The following CAMTA1 variants were observed in gnomAD, a reference collection of about 807,000 sequenced individuals.
The protein encoded by CAMTA1 is calmodulin binding transcription activator 1.
A neutral mutation model predicts 170.9 loss-of-function variants in CAMTA1; 27 were observed. The ratio of observed to expected loss-of-function variants is 0.16; its 90% CI spans 0.12 to 0.22. CAMTA1 has a LOEUF of 0.22. CAMTA1 is among the 10% of genes least tolerant of loss of function. The pLI is 1.00. For synonymous variants in CAMTA1, 833 were observed against 891.5 expected (o/e 0.93, Z 1.17); for missense variants, 1,619 against 2,217.2 (o/e 0.73, Z 5.42).
At chr1:7,499,060 CGT>C in intron 6 of CAMTA1, among the ~76,000 whole-genome samples, 1 of 100,948 alleles carries the variant, frequency 9.9e-6, no homozygotes, top group Admixed American at 1.1e-4. Context: ...GCCTGGTGTG[CGT>C]GTGTATGTAT....
intron 5 of CAMTA1, among the ~76,000 whole-genome samples, chr1:7,262,172 CAG>C (rs1668271309): frequency 6.6e-6 from 1 of 152,142 alleles, no homozygotes; most frequent in South Asian, 2.1e-4. Context: ...TTCTTACACA[CAG>C]AATCTGCTTG....
rs531494474 is a variant in CAMTA1 at position 7,545,179 on chromosome 1, T to C, written c.510+77278T>C. 2.6e-5 allele frequency among the ~76,000 whole-genome samples: 4 copies of C among 152,346 alleles called. No individual in the cohort carries two copies. The South Asian group carries it at 8.3e-4, about 32-fold the overall frequency. ...TTGAATTTCCAATTCTCCCTTTCAC[T>C]TTTTCTTAAATCTTGAAACAATCAG... On this transcript the variant is annotated intron_variant, in intron 6 of 22. Transcript: ENST00000303635.
chr1:6,785,493 GGC>G lies in CAMTA1; in HGVS notation c.-31_-30del, dbSNP rs1638872256. 1 of 1,024,706 alleles carries G rather than the reference GGC, an allele frequency of 9.8e-7. No homozygotes were observed. The highest frequency in any genetic ancestry group is 1.8e-5 in the African/African-American group (1 of 56,566). 63.5% of individuals were successfully genotyped at this position (1,024,706 alleles called of 1,614,324 possible). A position where few individuals can be genotyped will look rare whatever the true frequency, so the allele number is the denominator to read the frequency against. ...TGGGCCGGCGGCGGCGGCGGTACGA[GGC>G]GCGCGCTCGGGGTCCCGGTCGCGAG... On this transcript the variant is annotated 5_prime_UTR_variant, in exon 1 of 23. Transcript: ENST00000303635.
intron 3 of CAMTA1, among the ~76,000 whole-genome samples, chr1:6,926,695 C>CCTTCCCTG (rs1240540031): frequency 6.9e-6 from 1 of 145,140 alleles, no homozygotes; most frequent in Non-Finnish European, 1.5e-5. Context: ...TTCCTTCCCT[C>CCTTCCCTG]CTTCTCTCCT....
chr1:7,232,490 G>T (rs1293104918), intron 4 of CAMTA1, among the ~76,000 whole-genome samples: 1 of 152,198 alleles, frequency 6.6e-6, no homozygotes, highest in Non-Finnish European at 1.5e-5. Flanking sequence ...TTCCTATCTT[G>T]GGTTATCTTC....
intron 4 of CAMTA1, among the ~76,000 whole-genome samples, chr1:7,124,169 G>A (rs11803178): frequency 2.6e-5 from 4 of 152,230 alleles, no homozygotes; most frequent in Admixed American, 6.5e-5. Flanking sequence ...CTGAAGCAGC[G>A]TCTCAGGTCT....
At chr1:7,239,313 A>G (rs968889159) in intron 4 of CAMTA1, among the ~76,000 whole-genome samples, 3 of 152,216 alleles carry the variant, frequency 2.0e-5, no homozygotes, top group East Asian at 1.9e-4. Context: ...CACAAATGCC[A>G]TCTTTCATTT....
At chr1:6,875,792 G>A (rs1031480087) in intron 3 of CAMTA1, among the ~76,000 whole-genome samples, 2 of 152,126 alleles carry the variant, frequency 1.3e-5, no homozygotes, top group Non-Finnish European at 2.9e-5. Flanking sequence ...AGAAACACTT[G>A]CCCCATCCCA....
intron 6 of CAMTA1, among the ~76,000 whole-genome samples, chr1:7,621,939 G>T (rs2095601459): frequency 6.6e-6 from 1 of 152,232 alleles, no homozygotes. Flanking sequence ...AGATAGTGAG[G>T]CGTCTTCTCT....
At chr1:7,328,168 G>A (rs921206717) in intron 5 of CAMTA1, among the ~76,000 whole-genome samples, 3 of 152,074 alleles carry the variant, frequency 2.0e-5, no homozygotes, top group East Asian at 1.9e-4. Context: ...CTTCCTTCTC[G>A]AATTTGGTGG....
intron 6 of CAMTA1, among the ~76,000 whole-genome samples, chr1:7,584,761 A>C (rs56078357): frequency 0.088 from 13,454 of 152,150 alleles, 1,888 homozygotes; most frequent in African/African-American, 0.3. Flanking sequence ...AGGTCCTCAC[A>C]TGGGGCAATC....
Position 7,248,720 on chromosome 1 carries a change from GT to G in CAMTA1, c.303-767del, listed in dbSNP as rs1312118420. On this transcript the variant is annotated intron_variant, in intron 4 of 22. Coordinates refer to ENST00000303635, the MANE Select transcript of CAMTA1 (RefSeq NM_015215.4). This position sits in a 1 kb window ranked among gnomAD's most constrained non-coding sequence, Gnocchi z 4.0. Reference sequence around the variant, plus strand: ...CCTCTCCTCTCTGTGGTGGACGCGTGTTTTCTTTTTGGCAAATTCAAGGTTC... The same window carrying G: ...CCTCTCCTCTCTGTGGTGGACGCGTGTTTCTTTTTGGCAAATTCAAGGTTC... 6.6e-6 allele frequency among the ~76,000 whole-genome samples: 1 copy of G among 152,080 alleles called. No homozygotes were observed. Among genetic ancestry groups the G allele is most frequent in the East Asian group, 1.9e-4 (1 of 5,184 alleles).
At chr1:7,005,278 C>T (rs1698815247) in intron 3 of CAMTA1, among the ~76,000 whole-genome samples, 1 of 152,166 alleles carries the variant, frequency 6.6e-6, no homozygotes, top group Non-Finnish European at 1.5e-5. Context: ...TCCAGACAGG[C>T]ACTCCATTTG....
chr1:7,520,009 T>C, intron 6 of CAMTA1, among the ~76,000 whole-genome samples: 1 of 150,084 alleles, frequency 6.7e-6, no homozygotes, highest in African/African-American at 2.5e-5. Context: ...AACACATCAC[T>C]CCATGTTGTT....
intron 5 of CAMTA1, among the ~76,000 whole-genome samples, chr1:7,422,227 C>T (rs1241884496): frequency 6.6e-6 from 1 of 152,014 alleles, no homozygotes; most frequent in Non-Finnish European, 1.5e-5. Context: ...TGCCTGGTTT[C>T]CAGCTGTGGG....
intron 5 of CAMTA1, among the ~76,000 whole-genome samples, chr1:7,270,382 C>T (rs950876216): frequency 6.8e-6 from 1 of 147,150 alleles, no homozygotes; most frequent in African/African-American, 2.5e-5. Flanking sequence ...GCAACCTCTG[C>T]CTCCCAGGTT....
At chr1:7,384,768 G>A (rs1036019308) in intron 5 of CAMTA1, among the ~76,000 whole-genome samples, 3 of 152,098 alleles carry the variant, frequency 2.0e-5, no homozygotes, top group African/African-American at 7.2e-5. Flanking sequence ...AATTAGGAGG[G>A]GCAGAGCTGC....
intron 6 of CAMTA1, among the ~76,000 whole-genome samples, chr1:7,575,163 A>C (rs145937049): frequency 6.6e-6 from 1 of 152,252 alleles, no homozygotes; most frequent in Non-Finnish European, 1.5e-5. Flanking sequence ...AATGATAAGT[A>C]CTCAATAGAT....
At chr1:7,535,054 C>A (rs1232774322) in intron 6 of CAMTA1, among the ~76,000 whole-genome samples, 1 of 152,124 alleles carries the variant, frequency 6.6e-6, no homozygotes, top group Non-Finnish European at 1.5e-5. Context: ...GGGATGTGGA[C>A]ACCACAGGCC....
Sources: allele counts gnomAD v4.1 joint callset (sites outside exome capture counted in the v4.1 genomes callset), GRCh38; gene constraint gnomAD v4.1.1; non-coding constraint Gnocchi (gnomAD v3.1); transcripts MANE v1.5; gene names NCBI Gene and HGNC (gene_info 2026-07-23, HGNC 2026-07-21).